LGI1: variants seen among roughly 807,000 people sequenced by gnomAD.
LGI1 encodes leucine rich glioma inactivated 1.
In LGI1, 11 loss-of-function variants were observed where a neutral mutation model predicts 57.7. The observed-to-expected ratio is 0.19, with a 90% CI of 0.12 to 0.32. The LOEUF is 0.32. Among genes scored for constraint, LGI1 ranks in the 10% least tolerant of loss-of-function variants. The pLI, the probability that LGI1 is intolerant of heterozygous loss-of-function variation, is 1.00. For missense variants in LGI1, 422 were observed against 661.9 expected (o/e 0.64, Z 3.98); for synonymous variants, 222 against 241.9 (o/e 0.92, Z 0.76).
intron 2 of LGI1, among the ~76,000 whole-genome samples, chr10:93,761,223 G>A (rs2059619915): frequency 6.6e-6 from 1 of 152,040 alleles, no homozygotes; most frequent in Non-Finnish European, 1.5e-5. Context: ...CCCCATATGG[G>A]CTGCCAATCC....
intron 7 of LGI1, 31 bp from the exon 8 acceptor site, chr10:93,796,937 C>G: frequency 1.9e-6 from 3 of 1,557,052 alleles, no homozygotes; most frequent in Non-Finnish European, 2.7e-6. Context: ...AGGATGGCCA[C>G]ACAACTAATC....
At chr10:93,762,519 T>C (rs1001343079) in intron 2 of LGI1, 2 of 152,204 alleles carry the variant, frequency 1.3e-5, no homozygotes, top group South Asian at 2.1e-4. Context: ...CCTCCTTATA[T>C]TAGAAGCCTA....
Position 93,758,851 on chromosome 10 carries a change from T to A in LGI1, c.287+20T>A, listed in dbSNP as rs761813563. The stretch of plus-strand genomic sequence containing the variant: ...GCTCTTGTGAGAAATATTTATATCA[T>A]GACTATTTTTAATATGGCATATATT... On this transcript the variant is annotated intron_variant, in intron 2 of 7. Transcript: ENST00000371418. This position sits in a 1 kb window ranked among gnomAD's most constrained non-coding sequence, Gnocchi z 4.7. 6.5e-7 allele frequency: 1 copy of A among 1,550,120 alleles called. No individual in the cohort carries two copies. Among genetic ancestry groups the A allele is most frequent in the East Asian group, 2.2e-5 (1 of 44,580 alleles).
In LGI1 at chr10:93,758,661, C is replaced by T; in HGVS notation, c.216-99C>T. ...TCATAAAATAGTGTCAAAATAGTCA[C>T]TGTTATGCTAAACCGGATTAACATA... On this transcript the variant is annotated intron_variant, in intron 1 of 7. Coordinates refer to ENST00000371418, the MANE Select transcript of LGI1 (RefSeq NM_005097.4). This position sits in a 1 kb window ranked among gnomAD's most constrained non-coding sequence, Gnocchi z 4.7. 1 of 848,844 alleles carries T rather than the reference C, an allele frequency of 1.2e-6. No homozygotes were observed. Among genetic ancestry groups the T allele is most frequent in the Non-Finnish European group, 2.0e-6 (1 of 506,970 alleles). 52.6% of individuals were successfully genotyped at this position (848,844 alleles called of 1,614,324 possible).
intron 7 of LGI1, among the ~76,000 whole-genome samples, chr10:93,796,241 C>A (rs895374202): frequency 6.6e-6 from 1 of 152,228 alleles, no homozygotes; most frequent in African/African-American, 2.4e-5. Context: ...AGAAAAGTGA[C>A]AAGTGGCATC....
intron 4 of LGI1, among the ~76,000 whole-genome samples, chr10:93,783,312 C>T (rs1000641793): frequency 1.3e-5 from 2 of 152,060 alleles, no homozygotes; most frequent in Non-Finnish European, 2.9e-5. Flanking sequence ...GGAGGTGGAG[C>T]TTGCAGTGAG....
At chr10:93,791,715 G>T (rs1168121360) in intron 5 of LGI1, 1 of 152,224 alleles carries the variant, frequency 6.6e-6, no homozygotes, top group African/African-American at 2.4e-5. Context: ...CTGAACAGAA[G>T]CAATGCAAAT....
rs551828991 is a variant in LGI1, at chr10:93,782,180, C to A, written c.431+4563C>A. Among the ~76,000 whole-genome samples the A allele has an allele frequency of 9.9e-5, 15 of 152,254 alleles. No homozygotes were observed. The East Asian group carries it at 2.9e-3, about 29-fold the overall frequency. On this transcript the variant is annotated intron_variant, in intron 4 of 7. Transcript: ENST00000371418. ...TTAATAAATCTGGCATCTATCTGAG[C>A]CATTAGTTTCCTTTTTAAGACTTTA...
intron 7 of LGI1, 46 bp from the exon 8 acceptor site, chr10:93,796,922 A>G (rs771748995): frequency 1.3e-6 from 2 of 1,483,920 alleles, no homozygotes; most frequent in Non-Finnish European, 1.9e-6. Flanking sequence ...TACATGCTCC[A>G]AAAGAGGATG....
At chr10:93,781,017 A>G (rs184512234) in intron 4 of LGI1, among the ~76,000 whole-genome samples, 2 of 152,306 alleles carry the variant, frequency 1.3e-5, no homozygotes, top group East Asian at 3.9e-4. Flanking sequence ...CTTCTTATAC[A>G]GAGATGTCAG....
chr10:93,777,315 A>G, intron 2 of LGI1, 64 bp from the exon 3 acceptor site: 1 of 1,451,230 alleles, frequency 6.9e-7, no homozygotes, highest in Non-Finnish European at 9.7e-7. Flanking sequence ...TCTGAGAGAT[A>G]AAAGCAGCCA....
chr10:93,759,973 T>G (rs1410995525), intron 2 of LGI1, among the ~76,000 whole-genome samples: 2 of 152,206 alleles, frequency 1.3e-5, no homozygotes, highest in Non-Finnish European at 2.9e-5. Context: ...AAGGTTTAAG[T>G]AGATAAAACA....
At chr10:93,768,166 C>T (rs766472830) in intron 2 of LGI1, 1 of 152,170 alleles carries the variant, frequency 6.6e-6, no homozygotes, top group Admixed American at 6.5e-5. Flanking sequence ...CTTTGAAGAT[C>T]GTGCGTTCCA....
intron 7 of LGI1, chr10:93,793,840 A>G (rs1334412166): frequency 6.3e-6 from 1 of 157,728 alleles, no homozygotes; most frequent in Non-Finnish European, 1.4e-5. Context: ...ATGCCTTGTA[A>G]TGAAAAGGAT....
At chr10:93,782,920 C>T (rs11187665) in intron 4 of LGI1, 66,642 of 151,970 alleles carry the variant, frequency 0.44, 15,114 homozygotes, top group Middle Eastern at 0.6. Context: ...TCCACAGTCA[C>T]AATCGGAGGT....
intron 7 of LGI1, chr10:93,794,019 C>CTTTTTTTTTTTTTTTTTTTTTT (rs5787082): frequency 6.8e-5 from 6 of 87,820 alleles, no homozygotes; most frequent in South Asian, 8.5e-4. Context: ...CTTTTTTTTT[C>CTTTTTTTTTTTTTTTTTTTTTT]TTTTTTTTTT....
At chr10:93,792,368 G>C (rs760172482) in intron 5 of LGI1, 20 of 222,472 alleles carry the variant, frequency 9.0e-5, no homozygotes, top group Non-Finnish European at 1.5e-4. Context: ...GTATGTATTG[G>C]GTTAAATAAA....
chr10:93,781,316 G>A (rs2059845819), intron 4 of LGI1, among the ~76,000 whole-genome samples: 1 of 152,028 alleles, frequency 6.6e-6, no homozygotes, highest in Non-Finnish European at 1.5e-5. Flanking sequence ...CCGAGATCAC[G>A]CCATTGCACT....
At chr10:93,778,203 C>A (rs532243787) in intron 4 of LGI1, among the ~76,000 whole-genome samples, 2 of 152,266 alleles carry the variant, frequency 1.3e-5, no homozygotes, top group South Asian at 4.1e-4. Context: ...GGCAGGGATT[C>A]TTCTACTGCT....
Sources: allele counts gnomAD v4.1 joint callset (sites outside exome capture counted in the v4.1 genomes callset), GRCh38; gene constraint gnomAD v4.1.1; non-coding constraint Gnocchi (gnomAD v3.1); transcripts MANE v1.5; gene names NCBI Gene and HGNC (gene_info 2026-07-23, HGNC 2026-07-21).